FAM117B: variants seen among roughly 807,000 people sequenced by gnomAD.
FAM117B encodes protein FAM117B.
FAM117B carries 22 observed loss-of-function variants against 52.8 expected under a neutral mutation model. That is an observed-to-expected ratio of 0.42 (90% CI 0.30 to 0.59). The LOEUF (loss-of-function observed/expected upper bound fraction) is 0.59. Among genes scored for constraint, FAM117B ranks in the 20% least tolerant of loss-of-function variants. FAM117B has a pLI of 0.22. For synonymous variants in FAM117B, 309 were observed against 324.1 expected (o/e 0.95, Z 0.50); for missense variants, 678 against 802.6 (o/e 0.84, Z 1.88).
intron 1 of FAM117B, among the ~76,000 whole-genome samples, chr2:202,683,784 A>G (rs1690497332): frequency 6.6e-6 from 1 of 152,204 alleles, no homozygotes; most frequent in Non-Finnish European, 1.5e-5. Flanking sequence ...TAGAAGAGAT[A>G]ATACCGTAAC....
intron 4 of FAM117B, among the ~76,000 whole-genome samples, chr2:202,734,956 AAGAG>A (rs1236897716): frequency 6.6e-6 from 1 of 152,240 alleles, no homozygotes; most frequent in East Asian, 1.9e-4. Flanking sequence ...AAATTTCCAA[AAGAG>A]AGCTGTATTT....
chr2:202,684,603 TTA>T (rs1226889378), intron 1 of FAM117B, among the ~76,000 whole-genome samples: 1 of 152,202 alleles, frequency 6.6e-6, no homozygotes, highest in Non-Finnish European at 1.5e-5. Flanking sequence ...GAAGTGCTGT[TTA>T]ATGTTTTTAA....
intron 6 of FAM117B, 143 bp downstream of exon 6, chr2:202,757,581 G>A (rs996215405): frequency 6.6e-6 from 6 of 903,424 alleles, no homozygotes; most frequent in Non-Finnish European, 1.0e-5. Context: ...AATTTGGAGT[G>A]TAAACAGGTT....
chr2:202,759,388 T>G lies in FAM117B; in HGVS notation c.1451+35T>G, dbSNP rs370906359. On this transcript the variant is annotated intron_variant, in intron 7 of 7. Coordinates refer to ENST00000392238, the MANE Select transcript of FAM117B (RefSeq NM_173511.4). The stretch of plus-strand genomic sequence containing the variant: ...CCTTCCACCATCCCCACAAAAAAAC[T>G]ATTATGAGCTTTTTTTTTTGAGATA... 99 of 1,594,768 alleles carry G rather than the reference T, an allele frequency of 6.2e-5. No individual in the cohort carries two copies. In the Middle Eastern group the frequency reaches 2.4e-3, roughly 38 times the overall value.
chr2:202,645,518 T>C (rs1411722305), intron 1 of FAM117B, among the ~76,000 whole-genome samples: 1 of 149,960 alleles, frequency 6.7e-6, no homozygotes, highest in Non-Finnish European at 1.5e-5. Context: ...CTTGATCTCC[T>C]GACCTCGTGA....
At position 202,765,941 on chromosome 2, in the gene FAM117B, C is replaced by CCA; in HGVS notation, c.*177_*178insCA. 1.6e-6 allele frequency: 1 copy of CCA among 634,142 alleles called. No homozygotes were observed. Among genetic ancestry groups the CCA allele is most frequent in the Non-Finnish European group, 2.7e-6 (1 of 370,246 alleles). The allele number at this position is 634,142 out of a possible 1,614,324, so 39.3% of individuals were successfully genotyped here. A position where few individuals can be genotyped will look rare whatever the true frequency, so the allele number is the denominator to read the frequency against. ...GTGACGGCTCTGCCCCACTTGTGAA[C>CCA]GCCAACCCTCAGTGCTTAGCCTGCT... On this transcript the variant is annotated 3_prime_UTR_variant, in exon 8 of 8. Transcript: ENST00000392238.
chr2:202,635,160 C>A lies in FAM117B; in HGVS notation c.-28C>A, dbSNP rs556379424. 197 of 1,262,098 alleles carry A rather than the reference C, an allele frequency of 1.6e-4. No individual in the cohort carries two copies. In the African/African-American group the frequency reaches 2.8e-3, roughly 18 times the overall value. The allele number at this position is 1,262,098 out of a possible 1,614,324, so 78.2% of individuals were successfully genotyped here. ...CCAACAACAACAAAACCCCCCGTCT[C>A]GCCCAGTCACCGGGGAGGGGGGGGA... On this transcript the variant is annotated 5_prime_UTR_variant, in exon 1 of 8. It introduces an in-frame stop codon into an upstream open reading frame of the 5' UTR. Coordinates refer to ENST00000392238, the MANE Select transcript of FAM117B (RefSeq NM_173511.4).
intron 2 of FAM117B, among the ~76,000 whole-genome samples, chr2:202,705,854 A>G (rs1690862742): frequency 6.6e-6 from 1 of 152,178 alleles, no homozygotes; most frequent in African/African-American, 2.4e-5. Context: ...TGTAGTGTGT[A>G]TGTGTGCTTG....
chr2:202,733,599 C>T (rs1474427457), intron 4 of FAM117B, among the ~76,000 whole-genome samples: 4 of 152,170 alleles, frequency 2.6e-5, no homozygotes, highest in Non-Finnish European at 5.9e-5. Flanking sequence ...CTCCTACTTG[C>T]ACGTCCATTT....
chr2:202,644,159 A>T (rs1267798485), intron 1 of FAM117B, among the ~76,000 whole-genome samples: 1 of 147,704 alleles, frequency 6.8e-6, no homozygotes, highest in East Asian at 2.0e-4. Flanking sequence ...ATCCTACCGA[A>T]TCCTTCCATT....
chr2:202,694,254 G>A (rs1449249553), intron 1 of FAM117B, among the ~76,000 whole-genome samples: 7 of 144,598 alleles, frequency 4.8e-5, no homozygotes, highest in East Asian at 2.0e-4. Context: ...GCAGTGGTGC[G>A]ATCTTGGCTC....
rs1158185300 is a variant in FAM117B, at chr2:202,673,433, G to GTTTTTTTTTTTTT, written c.602-22428_602-22416dup. Among the ~76,000 whole-genome samples the GTTTTTTTTTTTTT allele has an allele frequency of 6.7e-4, 25 of 37,534 alleles. 3 individuals carry two copies. The highest frequency in any genetic ancestry group is 2.6e-3 in the African/African-American group (17 of 6,448). 24.6% of individuals were successfully genotyped at this position (37,534 alleles called of 152,430 possible). On this transcript the variant is annotated intron_variant, in intron 1 of 7. Coordinates refer to ENST00000392238, the MANE Select transcript of FAM117B (RefSeq NM_173511.4). Reference sequence around the variant, plus strand: ...TAGCCTACCCTATTTTTCTTTTTCTGTTTTTTTTTTTTTTTTTTTTTTTTT... The same window carrying GTTTTTTTTTTTTT: ...TAGCCTACCCTATTTTTCTTTTTCTGTTTTTTTTTTTTTTTTTTTTTTTTTTTTTTTTTTTTTT...
At chr2:202,658,171 T>G (rs1405749152) in intron 1 of FAM117B, among the ~76,000 whole-genome samples, 1 of 152,242 alleles carries the variant, frequency 6.6e-6, no homozygotes, top group Non-Finnish European at 1.5e-5. Flanking sequence ...TTACTTCATT[T>G]GCACTTCCTT....
chr2:202,682,364 C>A (rs1032133554), intron 1 of FAM117B, among the ~76,000 whole-genome samples: 7 of 152,194 alleles, frequency 4.6e-5, no homozygotes, highest in African/African-American at 1.7e-4. Flanking sequence ...TCATGAGCAC[C>A]CTACCCTAGA....
At chr2:202,712,593 A>G (rs1241196758) in intron 2 of FAM117B, among the ~76,000 whole-genome samples, 1 of 152,002 alleles carries the variant, frequency 6.6e-6, no homozygotes, top group Admixed American at 6.5e-5. Context: ...ATAATGAGTA[A>G]CAGTGGTGAA....
chr2:202,725,978 G>T (rs1031092378), intron 3 of FAM117B, among the ~76,000 whole-genome samples: 1 of 152,020 alleles, frequency 6.6e-6, no homozygotes. Flanking sequence ...TTAATTCTTC[G>T]TGAAAACTGT....
At chr2:202,646,125 C>T (rs1449089130) in intron 1 of FAM117B, among the ~76,000 whole-genome samples, 3 of 151,518 alleles carry the variant, frequency 2.0e-5, no homozygotes, top group Non-Finnish European at 4.4e-5. Flanking sequence ...CTCCCGGGTT[C>T]AAGCAATTCT....
Position 202,765,587 on chromosome 2 carries a change from C to T in FAM117B, c.1593C>T (p.Gly531=), listed in dbSNP as rs779760029. 6 of 1,614,158 alleles carry T rather than the reference C, an allele frequency of 3.7e-6. No homozygotes were observed. The East Asian group carries it at 1.3e-4, about 36-fold the overall frequency. The part of the protein sequence containing the change: ...LLPTPDLTLK[G]SGHSLTVTTG... ...CTACCCCGGATCTTACACTCAAGGGCTCTGGCCACAGCCTGACAGTCACCA... is the reference window on the plus strand; with the variant it reads ...CTACCCCGGATCTTACACTCAAGGGTTCTGGCCACAGCCTGACAGTCACCA... The change falls in exon 8 of 8, where the codon GGC becomes GGT. Residue 531 remains glycine, a synonymous_variant. Transcript: ENST00000392238.
intron 5 of FAM117B, 64 bp downstream of exon 5, chr2:202,755,745 G>A: frequency 5.4e-6 from 8 of 1,480,044 alleles, no homozygotes; most frequent in Non-Finnish European, 6.4e-6. Context: ...TGCACAGTTT[G>A]GGTTTCCATA....
Sources: gnomAD v4.1 joint callset for allele counts (sites outside exome capture counted in the v4.1 genomes callset) on GRCh38, gnomAD v4.1.1 for gene constraint, MANE v1.5 for transcripts, NCBI Gene and HGNC (gene_info 2026-07-23, HGNC 2026-07-21) for gene names.